The following CYP2A7 variants were observed in gnomAD, a reference collection of about 807,000 sequenced individuals.
The protein encoded by CYP2A7 is cytochrome P450 2A7.
A neutral mutation model predicts 42.0 loss-of-function variants in CYP2A7; 36 were observed. The observed-to-expected ratio is 0.86, with a 90% CI of 0.66 to 1.13. The LOEUF is 1.13. Among genes scored for constraint, CYP2A7 ranks in the 50% most tolerant of loss-of-function variants. The pLI, the probability that CYP2A7 is intolerant of heterozygous loss-of-function variation, is 0.00. For synonymous variants in CYP2A7, 260 were observed against 249.5 expected (o/e 1.04, Z -0.40); for missense variants, 661 against 634.1 (o/e 1.04, Z -0.46).
In CYP2A7 at chr19:40,880,144, G is replaced by A. The variant is rs186672185; in HGVS notation, c.594C>T (p.Phe198=). Residue 198 remains phenylalanine (F), a synonymous_variant, in exon 4 of 9, where the codon TTC becomes TTT. Transcript: ENST00000301146. ...GDRFDYEDKE[F]LSLLSMMLGI... is the part of the protein sequence containing the mutation. ...CTAGCATCATGCTCAGCAGTGACAG[G>A]AACTCTTTGTCCTCATAGTCAAAGC... The A allele has an allele frequency of 1.1e-4, 176 of 1,612,966 alleles. No homozygotes were observed. The East Asian group carries it at 3.7e-3, about 34-fold the overall frequency.
At chr19:40,878,478 C>T (rs1167818817) in intron 5 of CYP2A7, among the ~76,000 whole-genome samples, 1 of 151,814 alleles carries the variant, frequency 6.6e-6, no homozygotes, top group African/African-American at 2.4e-5. Context: ...CTCTGCCCCC[C>T]TTCGCGCCAC....
intron 7 of CYP2A7, 100 bp downstream of exon 7, chr19:40,877,090 A>G: frequency 7.4e-7 from 1 of 1,346,972 alleles, no homozygotes; most frequent in Non-Finnish European, 1.0e-6. Context: ...TGATTGAGGG[A>G]GTGGGACAGT....
Position 40,875,723 on chromosome 19 carries a change from T to C in CYP2A7, c.1455A>G (p.Arg485=). ...GGGGCAGGAAGCTCATGGTGTAGTTTCGTGGGATCGTGGCAAAGACCACGT... is the reference window on the plus strand; with the variant it reads ...GGGGCAGGAAGCTCATGGTGTAGTTCCGTGGGATCGTGGCAAAGACCACGT... ...PKHVVFATIP[R]NYTMSFLPR The change falls in exon 9 of 9, where the codon CGA becomes CGG. Residue 485 remains arginine (R), a synonymous_variant. Coordinates refer to ENST00000301146, the MANE Select transcript of CYP2A7 (RefSeq NM_000764.3). 1 of 1,609,164 alleles carries C rather than the reference T, an allele frequency of 6.2e-7. No homozygotes were observed. Among genetic ancestry groups the C allele is most frequent in the Non-Finnish European group, 8.5e-7 (1 of 1,176,824 alleles).
intron 2 of CYP2A7, among the ~76,000 whole-genome samples, chr19:40,880,961 G>T (rs551838698): frequency 2.0e-5 from 3 of 151,048 alleles, no homozygotes; most frequent in African/African-American, 7.3e-5. Flanking sequence ...TGGAGGAAGG[G>T]TAGGAAGTGG....
chr19:40,879,892 G>T lies in CYP2A7; in HGVS notation c.654+192C>A, dbSNP rs191720832. On this transcript the variant is annotated intron_variant, in intron 4 of 8. Coordinates refer to ENST00000301146, the MANE Select transcript of CYP2A7 (RefSeq NM_000764.3). ...CTACCAGCAGGCTCTGTTTTGGGGA[G>T]CATCTGTTGAGCTATCCAGGTGTCC... Among the ~76,000 whole-genome samples, 298 of 151,032 alleles carry T rather than the reference G, an allele frequency of 2.0e-3. 4 individuals are homozygous for T. Among genetic ancestry groups the T allele is most frequent in the African/African-American group, 6.9e-3 (284 of 41,334 alleles).
Position 40,878,007 on chromosome 19 carries a change from G to A in CYP2A7, c.832-14C>T, listed in dbSNP as rs1349459736. On this transcript the variant is annotated splice_polypyrimidine_tract_variant and intron_variant, in intron 5 of 8. Transcript: ENST00000301146. ...GTTCTTCTCCTCCTGCAGGGAGAGG[G>A]GGCTTTAGGCCAACCTCACTCCTCT... 1.6e-5 allele frequency: 25 copies of A among 1,608,236 alleles called. 1 individual carries two copies. Among genetic ancestry groups the A allele is most frequent in the Non-Finnish European group, 2.0e-5 (24 of 1,177,218 alleles).
chr19:40,881,756 T>C lies in CYP2A7; in HGVS notation c.181-5A>G. The C allele has an allele frequency of 6.3e-7, 1 of 1,590,014 alleles. No individual in the cohort carries two copies. The highest frequency in any genetic ancestry group is 8.6e-7 in the Non-Finnish European group (1 of 1,169,292). ...GGGGCCATAGCACTCACTGAACTGATGGAGGCGAGTGGGAGTGGTTAGAGG... is the reference window on the plus strand; with the variant it reads ...GGGGCCATAGCACTCACTGAACTGACGGAGGCGAGTGGGAGTGGTTAGAGG... On this transcript the variant is annotated splice_region_variant and splice_polypyrimidine_tract_variant and intron_variant, in intron 1 of 8. Transcript: ENST00000301146.
chr19:40,877,337 G>T lies in CYP2A7; in HGVS notation c.1014C>A (p.Asn338Lys). 6.2e-7 allele frequency: 1 copy of T among 1,612,730 alleles called. No homozygotes were observed. Among genetic ancestry groups the T allele is most frequent in the Non-Finnish European group, 8.5e-7 (1 of 1,179,104 alleles). ...HEEIDRVIGKNRQPKFEDRTK... is the reference protein window; with the variant it reads ...HEEIDRVIGKKRQPKFEDRTK... ...TCCGGTCCTCAAACTTGGGCTGCCG[G>T]TTCTTGCCGATCACTCTGTCAATCT... is the stretch of plus-strand genomic sequence containing the variant. The change falls in exon 7 of 9, where the codon AAC becomes AAA. Residue 338 changes from asparagine (N) to lysine (K), a missense_variant. This residue lies in a region of CYP2A7 where 614 missense variants were observed against 552.4 expected (regional missense o/e 1.11). Transcript: ENST00000301146.
chr19:40,880,480 G>A lies in CYP2A7; in HGVS notation c.492C>T (p.His164=), dbSNP rs1273792262. Reference sequence around the variant, plus strand: ...CCGCACTCGGGGAACCTTACTCACCGTGCGTGCTCCGGATGGCCTCGATGA... The same window carrying A: ...CCGCACTCGGGGAACCTTACTCACCATGCGTGCTCCGGATGGCCTCGATGA... The part of the protein sequence containing the change: ...GFLIEAIRST[H]GANIDPTFFL... The change falls in exon 3 of 9, where the codon CAC becomes CAT. Residue 164 remains histidine, a splice_region_variant and synonymous_variant. Coordinates refer to ENST00000301146, the MANE Select transcript of CYP2A7 (RefSeq NM_000764.3). 3.7e-6 allele frequency: 6 copies of A among 1,612,338 alleles called. No homozygotes were observed. Among genetic ancestry groups the A allele is most frequent in the Admixed American group, 1.7e-5 (1 of 59,848 alleles).
Position 40,877,949 on chromosome 19 carries a change from C to T in CYP2A7, c.876G>A (p.Met292Ile). 5 of 1,612,680 alleles carry T rather than the reference C, an allele frequency of 3.1e-6. 1 individual carries two copies. Among genetic ancestry groups the T allele is most frequent in the Non-Finnish European group, 3.4e-6 (4 of 1,179,054 alleles). The stretch of plus-strand genomic sequence containing the variant: ...CAATGAAGAGGTTCAACGTGCTCAT[C>T]ATCAGGTTCTTCAAGTAGAACTCCG... Reference protein sequence around the residue: ...PNTEFYLKNLMMSTLNLFIAG... With the variant: ...PNTEFYLKNLIMSTLNLFIAG... Residue 292 changes from methionine (M) to isoleucine (I), a missense_variant, in exon 6 of 9, where the codon ATG becomes ATA. Coordinates refer to ENST00000301146, the MANE Select transcript of CYP2A7 (RefSeq NM_000764.3).
chr19:40,879,576 G>T (rs1404046205), intron 4 of CYP2A7, among the ~76,000 whole-genome samples: 2 of 151,634 alleles, frequency 1.3e-5, no homozygotes, highest in Admixed American at 6.6e-5. Flanking sequence ...TAAGGTGTTG[G>T]TTAGGGCAGC....
Position 40,875,624 on chromosome 19 carries a change from C to G in CYP2A7, c.*69G>C. 6.2e-7 allele frequency: 1 copy of G among 1,607,608 alleles called. No individual in the cohort carries two copies. The highest frequency in any genetic ancestry group is 8.5e-7 in the Non-Finnish European group (1 of 1,175,770). On this transcript the variant is annotated 3_prime_UTR_variant, in exon 9 of 9. Transcript: ENST00000301146. ...CCCCCATTCTTATACCCGCCTCTTC[C>G]GCGAACCCCGCCCTGACCCCGCCTT...
At chr19:40,879,299 C>T (rs985682529) in intron 4 of CYP2A7, among the ~76,000 whole-genome samples, 4 of 151,512 alleles carry the variant, frequency 2.6e-5, no homozygotes, top group African/African-American at 9.7e-5. Flanking sequence ...GTGAGTGTCA[C>T]CTGTCTAGGT....
In CYP2A7 at chr19:40,877,282, G is replaced by A; in HGVS notation, c.1069C>T (p.His357Tyr). The A allele has an allele frequency of 6.2e-7, 1 of 1,612,804 alleles. No homozygotes were observed. The highest frequency in any genetic ancestry group is 2.2e-5 in the East Asian group (1 of 44,870). ...TKMPYMEAVI[H>Y]EIQRFGDVIP... Reference sequence around the variant, plus strand: ...ACGTCTCCAAATCTTTGGATCTCGTGGATCACTGCCTCCATGTAGGGCATC... The same window carrying A: ...ACGTCTCCAAATCTTTGGATCTCGTAGATCACTGCCTCCATGTAGGGCATC... The change falls in exon 7 of 9, where the codon CAC becomes TAC. Residue 357 changes from histidine to tyrosine, a missense_variant. By Grantham distance (83) the His-to-Tyr change is moderately conservative. This residue lies in a region of CYP2A7 where 614 missense variants were observed against 552.4 expected (regional missense o/e 1.11). Coordinates refer to ENST00000301146, the MANE Select transcript of CYP2A7 (RefSeq NM_000764.3).
In CYP2A7 at chr19:40,880,510, G is replaced by A. The variant is rs1295161932; in HGVS notation, c.462C>T (p.Gly154=). Reference sequence around the variant, plus strand: ...TGCTCCGGATGGCCTCGATGAGGAAGCCCGACTCCTCCTGGATGCGCTCCT... The same window carrying A: ...TGCTCCGGATGGCCTCGATGAGGAAACCCGACTCCTCCTGGATGCGCTCCT... ...GIEERIQEES[G]FLIEAIRSTH... The change falls in exon 3 of 9, where the codon GGC becomes GGT. Residue 154 remains glycine, a synonymous_variant. Coordinates refer to ENST00000301146, the MANE Select transcript of CYP2A7 (RefSeq NM_000764.3). 5.0e-6 allele frequency: 8 copies of A among 1,612,542 alleles called. No homozygotes were observed. The highest frequency in any genetic ancestry group is 1.7e-5 in the Admixed American group (1 of 59,870).
chr19:40,879,085 C>T, intron 4 of CYP2A7, 149 bp from the exon 5 acceptor site: 1 of 1,261,344 alleles, frequency 7.9e-7, no homozygotes, highest in Non-Finnish European at 1.1e-6. Context: ...CGGATAGGAA[C>T]TTATATCTAA....
chr19:40,877,163 T>G, intron 7 of CYP2A7, 27 bp downstream of exon 7: 1 of 1,608,016 alleles, frequency 6.2e-7, no homozygotes, highest in Non-Finnish European at 8.5e-7. Context: ...GAAGTCCCCG[T>G]AGTCTAGGGG....
chr19:40,880,446 C>T (rs1184534389), intron 3 of CYP2A7, 33 bp downstream of exon 3: 2 of 1,605,074 alleles, frequency 1.2e-6, no homozygotes, highest in Non-Finnish European at 1.7e-6. Flanking sequence ...TGTTTTCCTT[C>T]TCCTGCCCCC....
rs1341010533 is a variant in CYP2A7 at position 40,880,098 on chromosome 19, T to G, written c.640A>C (p.Thr214Pro). 2 of 1,612,256 alleles carry G rather than the reference T, an allele frequency of 1.2e-6. No homozygotes were observed. Among genetic ancestry groups the G allele is most frequent in the South Asian group, 2.2e-5 (2 of 90,964 alleles). Reference sequence around the variant, plus strand: ...CAGCCAGTTACCTGCCCCGTGGAGGTTGACGTGAACTGGAAGATTCCTAGC... The same window carrying G: ...CAGCCAGTTACCTGCCCCGTGGAGGGTGACGTGAACTGGAAGATTCCTAGC... ...MMLGIFQFTS[T>P]STGQLYEMFS... The change falls in exon 4 of 9, where the codon ACC (threonine) becomes CCC (proline). Residue 214 changes from threonine (T) to proline (P), a missense_variant. Transcript: ENST00000301146.
Sources: gnomAD v4.1 joint callset for allele counts (sites outside exome capture counted in the v4.1 genomes callset) on GRCh38, gnomAD v4.1.1 for gene constraint, gnomAD v4.1.1 regional missense constraint, MANE v1.5 for transcripts, NCBI Gene and HGNC (gene_info 2026-07-23, HGNC 2026-07-21) for gene names.